RIF1: variants seen among roughly 807,000 people sequenced by gnomAD.
The protein encoded by RIF1 is replication timing regulatory factor 1.
In RIF1, 45 loss-of-function variants were observed where a neutral mutation model predicts 247.1. The observed-to-expected ratio is 0.18, with a 90% CI of 0.14 to 0.23. The LOEUF (loss-of-function observed/expected upper bound fraction) is 0.23. Among genes scored for constraint, RIF1 ranks in the 10% least tolerant of loss-of-function variants. The probability of loss-of-function intolerance (pLI) is 1.00; values close to 1 mark genes in which losing one functional copy is unlikely to be tolerated. For synonymous variants in RIF1, 1,087 were observed against 978.8 expected (o/e 1.11, Z -2.06); for missense variants, 2,967 against 2,862.5 (o/e 1.04, Z -0.83).
chr2:151,506,332 AC>A, exon 13 of RIF1: 1 of 1,113,732 alleles, frequency 9.0e-7, no homozygotes, highest in Non-Finnish European at 1.3e-6. Flanking sequence ...AAAGACTAGG[AC>A]ACATGGCTTT....
Position 151,480,800 on chromosome 2 carries a change from AAAAC to A in RIF1, c.*5732_*5735del, listed in dbSNP as rs1369618781. ...TTATAGAATAGGAAGTTTCTAAAAG[AAAAC>A]AATTAAGAGCAAAATTGGTTTTGAG... On this transcript the variant is annotated 3_prime_UTR_variant, in exon 36 of 36. Coordinates refer to ENST00000444746, the MANE Select transcript of RIF1 (RefSeq NM_018151.5). The A allele has an allele frequency of 6.6e-6, 1 of 152,166 alleles. No homozygotes were observed. The highest frequency in any genetic ancestry group is 1.5e-5 in the Non-Finnish European group (1 of 68,020). The allele number at this position is 152,166 out of a possible 1,614,324, so 9.4% of individuals were successfully genotyped here.
chr2:151,503,424 G>GTTTTCT lies in RIF1; in HGVS notation c.*861+242_*861+247dup, dbSNP rs778176240. ...CAGTGGTTGGAATGCCTGTTCCCAA[G>GTTTTCT]TTTTCTTTGTACATAACCTGTAGAA... On this transcript the variant is annotated intron_variant and NMD_transcript_variant, in intron 12 of 13. Coordinates refer to the RIF1 transcript ENST00000454583. 8.7e-6 allele frequency: 14 copies of GTTTTCT among 1,610,188 alleles called. No individual in the cohort carries two copies. The African/African-American group carries it at 1.7e-4, about 20-fold the overall frequency.
chr2:151,450,085 G>C (rs1056530026), intron 20 of RIF1, among the ~76,000 whole-genome samples: 1 of 151,880 alleles, frequency 6.6e-6, no homozygotes. Context: ...AGGTGATTCT[G>C]CCTGCCTTGG....
chr2:151,498,782 CTCT>C (rs1398890354), intron 10 of RIF1, among the ~76,000 whole-genome samples: 1 of 152,066 alleles, frequency 6.6e-6, no homozygotes, highest in Non-Finnish European at 1.5e-5. Flanking sequence ...ATACACACAA[CTCT>C]TCTTTTGTTC....
the RIF1 span, chr2:151,526,813 G>T: frequency 1.2e-6 from 1 of 857,992 alleles, no homozygotes; most frequent in Non-Finnish European, 1.9e-6. Flanking sequence ...CCTGAGCCCT[G>T]ATGGAAGCAG....
the RIF1 span, chr2:151,534,211 G>T: frequency 1.9e-6 from 3 of 1,611,818 alleles, no homozygotes; most frequent in South Asian, 3.3e-5. Context: ...CCCCATCACA[G>T]TACCTGACTG....
At chr2:151,498,377 A>G (rs774433703) in intron 10 of RIF1, 40 of 1,492,052 alleles carry the variant, frequency 2.7e-5, no homozygotes, top group Middle Eastern at 1.7e-4. Flanking sequence ...AGCATCCAGA[A>G]CAAAAAAAGC....
intron 8 of RIF1, among the ~76,000 whole-genome samples, chr2:151,427,210 CCTTTTTTT>C (rs1340175810): frequency 2.6e-5 from 4 of 151,228 alleles, no homozygotes; most frequent in Admixed American, 6.6e-5. Flanking sequence ...ACTTTATTTT[CCTTTTTTT>C]CTTTTTTTTT....
Position 151,468,727 on chromosome 2 carries a change from C to A in RIF1, c.6912C>A (p.Ile2304=). 6.2e-7 allele frequency: 1 copy of A among 1,613,390 alleles called. No homozygotes were observed. Among genetic ancestry groups the A allele is most frequent in the Non-Finnish European group, 8.5e-7 (1 of 1,179,330 alleles). The change falls in exon 33 of 36, where the codon ATC becomes ATA. Residue 2304 remains isoleucine, a synonymous_variant. Coordinates refer to ENST00000444746, the MANE Select transcript of RIF1 (RefSeq NM_018151.5). ...PLVNCVAPVD[I]ILPQITSNMW... ...TGAACTGTGTGGCACCAGTTGACAT[C>A]ATTTTACCTCAGATTACATCAAACA...
chr2:151,446,674 C>T (rs1693324682), intron 20 of RIF1, 99 bp downstream of exon 20: 4 of 1,167,376 alleles, frequency 3.4e-6, no homozygotes, highest in Non-Finnish European at 5.0e-6. Flanking sequence ...ATTACTGCCT[C>T]TATTTATATG....
At chr2:151,418,188 A>AGGC in intron 6 of RIF1, among the ~76,000 whole-genome samples, 1 of 152,182 alleles carries the variant, frequency 6.6e-6, no homozygotes, top group African/African-American at 2.4e-5. Flanking sequence ...CATTTTTAAA[A>AGGC]TAAATTAACC....
In RIF1 at chr2:151,433,215, C is replaced by G. The variant is rs570816115; in HGVS notation, c.1064C>G (p.Ala355Gly). The change falls in exon 10 of 36, where the codon GCT becomes GGT. Residue 355 changes from alanine to glycine, a missense_variant. Ala to Gly is a moderately conservative substitution (Grantham distance 60, BLOSUM62 0). Around this residue, in one of 7 missense-constraint regions of RIF1, gnomAD observed 71 missense variants for 132.9 expected, o/e 0.53. Transcript: ENST00000444746. Reference sequence around the variant, plus strand: ...ATGAGACTTGGACCTCATCTTCCTGCTAATTTTGAACAGGTAACATTACAA... The same window carrying G: ...ATGAGACTTGGACCTCATCTTCCTGGTAATTTTGAACAGGTAACATTACAA... ...LLMRLGPHLP[A>G]NFEQVCVPLI... 4.3e-6 allele frequency: 7 copies of G among 1,611,908 alleles called. No homozygotes were observed. The African/African-American group carries it at 5.3e-5, about 12-fold the overall frequency.
At position 151,474,001 on chromosome 2, in the gene RIF1, A is replaced by G; in HGVS notation, c.7133A>G (p.Asp2378Gly). The part of the protein sequence containing the change: ...TRGLEEIPVF[D>G]ISEKTVNGIE... Reference sequence around the variant, plus strand: ...GGACTAGAAGAGATTCCAGTTTTTGATATTTCTGAAAAAACAGTAAATGGA... The same window carrying G: ...GGACTAGAAGAGATTCCAGTTTTTGGTATTTCTGAAAAAACAGTAAATGGA... Residue 2378 changes from aspartate (D) to glycine (G), a missense_variant, in exon 35 of 36, where the codon GAT becomes GGT. By Grantham distance (94) the Asp-to-Gly change is moderately conservative. Transcript: ENST00000444746. 1 of 1,599,092 alleles carries G rather than the reference A, an allele frequency of 6.3e-7. No individual in the cohort carries two copies. The highest frequency in any genetic ancestry group is 1.1e-5 in the South Asian group (1 of 89,846).
chr2:151,462,846 A>G (rs1226560048), intron 29 of RIF1, 38 bp from the exon 30 acceptor site: 1 of 1,420,886 alleles, frequency 7.0e-7, no homozygotes, highest in South Asian at 1.4e-5. Flanking sequence ...CTGGTTATTA[A>G]TCTGTGTGTG....
chr2:151,410,941 A>G (rs1359193956), intron 2 of RIF1, among the ~76,000 whole-genome samples: 1 of 152,192 alleles, frequency 6.6e-6, no homozygotes, highest in African/African-American at 2.4e-5. Context: ...GAAATGTACT[A>G]AAGTTTTGTA....
intron 8 of RIF1, among the ~76,000 whole-genome samples, chr2:151,427,186 T>C (rs913325167): frequency 1.3e-5 from 2 of 152,078 alleles, no homozygotes; most frequent in African/African-American, 4.8e-5. Flanking sequence ...TTACTTGTCA[T>C]TTTTCCATTT....
Position 151,475,244 on chromosome 2 carries a change from T to A in RIF1, c.*173T>A. 1 of 590,728 alleles carries A rather than the reference T, an allele frequency of 1.7e-6. No individual in the cohort carries two copies. Among genetic ancestry groups the A allele is most frequent in the Non-Finnish European group, 3.0e-6 (1 of 338,262 alleles). 36.6% of individuals were successfully genotyped at this position (590,728 alleles called of 1,614,324 possible). The stretch of plus-strand genomic sequence containing the variant: ...TGTAAGTTCAATTTTGTAAGTTCAT[T>A]ATGTAAGATCCTTTTTTTTTTCATA... On this transcript the variant is annotated 3_prime_UTR_variant, in exon 36 of 36. Coordinates refer to ENST00000444746, the MANE Select transcript of RIF1 (RefSeq NM_018151.5).
chr2:151,497,443 T>TATTA, intron 10 of RIF1: 1 of 981,422 alleles, frequency 1.0e-6, no homozygotes, highest in Non-Finnish European at 1.2e-6. Context: ...AAATTAACTG[T>TATTA]ATTATAGAAA....
rs530574824 is a variant in RIF1, at chr2:151,436,484, T to G, written c.1196-343T>G. Reference sequence around the variant, plus strand: ...TGAGCCCAGGAGTTTGAGGTTGTAGTGAACTATGATTGTACCACTGCACTG... The same window carrying G: ...TGAGCCCAGGAGTTTGAGGTTGTAGGGAACTATGATTGTACCACTGCACTG... On this transcript the variant is annotated intron_variant, in intron 11 of 35. Coordinates refer to ENST00000444746, the MANE Select transcript of RIF1 (RefSeq NM_018151.5). Among the ~76,000 whole-genome samples the G allele has an allele frequency of 8.8e-5, 13 of 148,366 alleles. No homozygotes were observed. In the East Asian group the frequency reaches 2.6e-3, roughly 30 times the overall value.
Sources: allele counts gnomAD v4.1 joint callset (sites outside exome capture counted in the v4.1 genomes callset), GRCh38; gene constraint gnomAD v4.1.1; regional missense constraint gnomAD v4.1.1; transcripts MANE v1.5; gene names NCBI Gene and HGNC (gene_info 2026-07-23, HGNC 2026-07-21).